Variants in THSD7B observed in about 807,000 individuals in gnomAD.
THSD7B encodes the protein thrombospondin type-1 domain-containing protein 7B.
In THSD7B, 138 loss-of-function variants were observed where a neutral mutation model predicts 213.6. The ratio of observed to expected loss-of-function variants is 0.65; its 90% confidence interval spans 0.56 to 0.74. The LOEUF (loss-of-function observed/expected upper bound fraction) is 0.74. Ranked by LOEUF, THSD7B falls within the 30% of genes least tolerant of loss-of-function variation. The probability of loss-of-function intolerance (pLI) is 0.00; values close to 1 mark genes in which losing one functional copy is unlikely to be tolerated. For missense variants in THSD7B, 1,931 were observed against 1,991.5 expected (o/e 0.97, Z 0.58); for synonymous variants, 742 against 687.0 (o/e 1.08, Z -1.25).
intron 3 of THSD7B, among the ~76,000 whole-genome samples, chr2:137,061,622 AT>A (rs1371960916): frequency 6.6e-6 from 1 of 151,520 alleles, no homozygotes; most frequent in Non-Finnish European, 1.5e-5. Flanking sequence ...ATCTGATTAT[AT>A]GATTTTTGTT....
chr2:136,773,925 T>C (rs555479207), intron 1 of THSD7B, among the ~76,000 whole-genome samples: 60 of 151,978 alleles, frequency 3.9e-4, no homozygotes, highest in African/African-American at 1.4e-3. Flanking sequence ...CCATGACTGC[T>C]TTCAAGAGCA....
chr2:137,186,140 G>A (rs1680546847), intron 7 of THSD7B, among the ~76,000 whole-genome samples: 1 of 151,914 alleles, frequency 6.6e-6, no homozygotes, highest in Non-Finnish European at 1.5e-5. Flanking sequence ...GGCCTTTGTT[G>A]GATGCAGAGT....
chr2:137,172,829 A>G (rs190064091), intron 7 of THSD7B, among the ~76,000 whole-genome samples: 1 of 152,144 alleles, frequency 6.6e-6, no homozygotes, highest in South Asian at 2.1e-4. Context: ...CTCCAAATAG[A>G]TAGTGTTAGA....
intron 12 of THSD7B, among the ~76,000 whole-genome samples, chr2:137,385,632 G>C (rs2104970470): frequency 6.6e-6 from 1 of 151,704 alleles, no homozygotes. Flanking sequence ...TGGACAAAAG[G>C]TGGCCAATTT....
chr2:137,352,770 C>G (rs1685041409), intron 12 of THSD7B, among the ~76,000 whole-genome samples: 2 of 151,862 alleles, frequency 1.3e-5, no homozygotes, highest in African/African-American at 4.8e-5. Context: ...ATGTTAAACT[C>G]TTCGTGAAAA....
At chr2:136,986,634 G>A (rs369761337) in intron 2 of THSD7B, among the ~76,000 whole-genome samples, 4 of 152,194 alleles carry the variant, frequency 2.6e-5, no homozygotes, top group African/African-American at 9.7e-5. Context: ...TCTAAAGGTA[G>A]AGATAGTTGT....
At chr2:137,417,377 G>C (rs1686820368) in intron 14 of THSD7B, among the ~76,000 whole-genome samples, 1 of 152,088 alleles carries the variant, frequency 6.6e-6, no homozygotes, top group Non-Finnish European at 1.5e-5. Context: ...TAATCAAGGT[G>C]ATTAAAAGAG....
intron 9 of THSD7B, 98 bp from the exon 10 acceptor site, chr2:137,242,359 T>G: frequency 1.2e-6 from 1 of 858,686 alleles, no homozygotes; most frequent in South Asian, 1.6e-5. Context: ...TAAGGGAACA[T>G]GAGGCCCTTA....
At chr2:137,198,537 GAA>G (rs1363067409) in intron 7 of THSD7B, among the ~76,000 whole-genome samples, 3 of 152,122 alleles carry the variant, frequency 2.0e-5, no homozygotes, top group Non-Finnish European at 4.4e-5. Flanking sequence ...GCCTTCTGAG[GAA>G]AAGAGACTAA....
intron 2 of THSD7B, among the ~76,000 whole-genome samples, chr2:136,994,299 G>A (rs1291885555): frequency 2.6e-5 from 4 of 152,326 alleles, no homozygotes; most frequent in African/African-American, 9.6e-5. Context: ...GGGCGCGGTG[G>A]CTCACGCCTG....
At chr2:136,776,688 T>C (rs1056199516) in intron 1 of THSD7B, among the ~76,000 whole-genome samples, 1 of 152,144 alleles carries the variant, frequency 6.6e-6, no homozygotes. Context: ...GCACCTGAAA[T>C]AGCAAAGTAG....
chr2:137,310,286 G>T (rs1323645581), intron 12 of THSD7B, among the ~76,000 whole-genome samples: 1 of 150,860 alleles, frequency 6.6e-6, no homozygotes, highest in Non-Finnish European at 1.5e-5. Flanking sequence ...GTGTTTTTTG[G>T]CTGCATAAAT....
chr2:137,535,982 T>C (rs1573691723), intron 15 of THSD7B, among the ~76,000 whole-genome samples: 1 of 150,812 alleles, frequency 6.6e-6, no homozygotes. Flanking sequence ...TAATTTCAGA[T>C]AAATAGGCAA....
At chr2:136,964,959 C>A (rs1348680163) in intron 2 of THSD7B, among the ~76,000 whole-genome samples, 1 of 149,862 alleles carries the variant, frequency 6.7e-6, no homozygotes, top group East Asian at 2.0e-4. Context: ...CAAGATCATG[C>A]CACTGTATTC....
intron 15 of THSD7B, among the ~76,000 whole-genome samples, chr2:137,509,612 T>C (rs991364935): frequency 6.6e-6 from 1 of 152,176 alleles, no homozygotes; most frequent in African/African-American, 2.4e-5. Context: ...ATATTTAGAC[T>C]AGCTACTTGA....
At chr2:136,955,980 G>T (rs10193784) in intron 2 of THSD7B, among the ~76,000 whole-genome samples, 11,093 of 147,126 alleles carry the variant, frequency 0.075, 660 homozygotes, top group African/African-American at 0.16. Flanking sequence ...AGTGAGCCGA[G>T]ATTGCGCCAC....
chr2:137,205,651 A>T (rs1573884935), intron 7 of THSD7B, among the ~76,000 whole-genome samples: 1 of 152,092 alleles, frequency 6.6e-6, no homozygotes, highest in Middle Eastern at 3.4e-3. Flanking sequence ...TTGGAAACAA[A>T]TTTTTTCCAA....
At chr2:137,433,353 A>G (rs774981971) in intron 14 of THSD7B, among the ~76,000 whole-genome samples, 19 of 151,406 alleles carry the variant, frequency 1.3e-4, no homozygotes, top group Middle Eastern at 6.9e-3. Context: ...GCAATATTGT[A>G]TTTTGTTTTC....
chr2:136,873,522 A>C (rs1683476891), intron 1 of THSD7B, among the ~76,000 whole-genome samples: 1 of 152,202 alleles, frequency 6.6e-6, no homozygotes, highest in African/African-American at 2.4e-5. Context: ...GTCAGTGTGA[A>C]TCTTTAATGG....
Sources: allele counts gnomAD v4.1 joint callset (sites outside exome capture counted in the v4.1 genomes callset), GRCh38; gene constraint gnomAD v4.1.1; transcripts MANE v1.5; gene names NCBI Gene and HGNC (gene_info 2026-07-23, HGNC 2026-07-21).